Variants in SREBF2 observed in about 807,000 individuals in gnomAD.
SREBF2 encodes sterol regulatory element-binding protein 2.
SREBF2 carries 55 observed loss-of-function variants against 113.1 expected under a neutral mutation model. That is an observed-to-expected ratio of 0.49 (90% CI 0.39 to 0.61). The LOEUF is 0.61. Among genes scored for constraint, SREBF2 ranks in the 20% least tolerant of loss-of-function variants. SREBF2 has a pLI of 0.00. For synonymous variants in SREBF2, 593 were observed against 605.7 expected (o/e 0.98, Z 0.31); for missense variants, 1,349 against 1,487.4 (o/e 0.91, Z 1.53).
chr22:41,899,612 TCATTGAAGTAGCCC>T (rs2077447231), intron 15 of SREBF2: 5 of 982,126 alleles, frequency 5.1e-6, no homozygotes, highest in South Asian at 4.6e-5. Flanking sequence ...CACCCTAATT[TCATTGAAGTAGCCC>T]CATTTGTAAG....
chr22:41,843,947 C>T (rs2076852159), intron 1 of SREBF2, among the ~76,000 whole-genome samples: 1 of 150,516 alleles, frequency 6.6e-6, no homozygotes, highest in Non-Finnish European at 1.5e-5. Context: ...GCCTAAGAGG[C>T]TGAAGATACA....
chr22:41,835,226 A>G, intron 1 of SREBF2, among the ~76,000 whole-genome samples: 1 of 11,778 alleles, frequency 8.5e-5, no homozygotes, highest in East Asian at 7.9e-4. Context: ...CAGTGGCACA[A>G]TCATAGCACA....
intron 4 of SREBF2, among the ~76,000 whole-genome samples, chr22:41,871,964 C>A (rs1448824563): frequency 6.7e-6 from 1 of 149,028 alleles, no homozygotes; most frequent in Non-Finnish European, 1.5e-5. Context: ...AATAGTGTGT[C>A]AAGCCACCGG....
intron 2 of SREBF2, among the ~76,000 whole-genome samples, chr22:41,868,375 C>A (rs1175811779): frequency 2.0e-5 from 3 of 152,136 alleles, no homozygotes; most frequent in Admixed American, 1.3e-4. Flanking sequence ...CCCTTTCCCC[C>A]ACCCTGGCAC....
chr22:41,904,642 C>G (rs755916707), intron 17 of SREBF2: 4 of 702,298 alleles, frequency 5.7e-6, no homozygotes, highest in East Asian at 2.7e-5. Context: ...CCTTTTGCCT[C>G]TCTCTCCTCT....
chr22:41,857,815 G>A (rs530447832), intron 1 of SREBF2, among the ~76,000 whole-genome samples: 20 of 152,196 alleles, frequency 1.3e-4, no homozygotes, highest in Admixed American at 5.9e-4. Flanking sequence ...TTTAGATAGC[G>A]GTTTGCCTGT....
rs1449690262 is a variant in SREBF2, at chr22:41,898,661, T to C, written c.2618T>C (p.Ile873Thr). The change falls in exon 15 of 19, where the codon ATC becomes ACC. Residue 873 changes from isoleucine (I) to threonine (T), a missense_variant. Ile to Thr is a moderately conservative substitution (Grantham distance 89). Coordinates refer to ENST00000361204, the MANE Select transcript of SREBF2 (RefSeq NM_004599.4). ...VLKSALGPDI[I>T]CRWWTSAITV... ...TGTTCTCCTCTAGGTCCAGACATCA[T>C]CTGTCGGTGGTGGACGTCTGCAATC... The C allele has an allele frequency of 2.5e-6, 4 of 1,613,972 alleles. No homozygotes were observed. In the South Asian group the frequency reaches 3.3e-5, roughly 13 times the overall value.
At position 41,897,053 on chromosome 22, in the gene SREBF2, G is replaced by T; in HGVS notation, c.2497G>T (p.Glu833Ter). 6.2e-7 allele frequency: 1 copy of T among 1,609,040 alleles called. No individual in the cohort carries two copies. Among genetic ancestry groups the T allele is most frequent in the South Asian group, 1.1e-5 (1 of 90,496 alleles). Residue 833 changes from glutamate (E) to a stop codon, truncating the protein, a stop_gained and splice_region_variant, in exon 14 of 19, where the codon GAA becomes TAA. Coordinates refer to ENST00000361204, the MANE Select transcript of SREBF2 (RefSeq NM_004599.4). LOFTEE classifies it high-confidence loss of function. ...KAGDQEEESC[E>*]FSSALEYLKL... ...TGGGACCCTTTCTTTTCTTCCTAGT[G>T]AATTCTCCAGTGCTCTGGAGTACTT...
In SREBF2 at chr22:41,884,829, C is replaced by T. The variant is rs762381981; in HGVS notation, c.2039-13C>T. Reference sequence around the variant, plus strand: ...GCTCCATCAACAATAGTGTCTGTTTCTGCCCACCCTAGGGAAGCTTCCTGC... The same window carrying T: ...GCTCCATCAACAATAGTGTCTGTTTTTGCCCACCCTAGGGAAGCTTCCTGC... On this transcript the variant is annotated splice_polypyrimidine_tract_variant and intron_variant, in intron 10 of 18. Coordinates refer to ENST00000361204, the MANE Select transcript of SREBF2 (RefSeq NM_004599.4). 2 of 1,614,094 alleles carry T rather than the reference C, an allele frequency of 1.2e-6. No homozygotes were observed. Among genetic ancestry groups the T allele is most frequent in the Non-Finnish European group, 1.7e-6 (2 of 1,179,988 alleles).
intron 1 of SREBF2, among the ~76,000 whole-genome samples, chr22:41,852,488 C>G (rs2076940797): frequency 6.6e-6 from 1 of 152,156 alleles, no homozygotes; most frequent in East Asian, 1.9e-4. Flanking sequence ...CTCCTTAAAT[C>G]TGATCCCTTG....
chr22:41,899,011 C>T, intron 15 of SREBF2: 1 of 659,960 alleles, frequency 1.5e-6, no homozygotes, highest in Non-Finnish European at 2.6e-6. Flanking sequence ...GTCCCAGCAG[C>T]TGTCAGCACT....
chr22:41,864,323 ATTTTT>A (rs1300330185), intron 1 of SREBF2, among the ~76,000 whole-genome samples: 1 of 77,958 alleles, frequency 1.3e-5, no homozygotes, highest in Non-Finnish European at 2.4e-5. Flanking sequence ...ATATATATAT[ATTTTT>A]TTTTTTTTTT....
chr22:41,847,610 T>C (rs1326780201), intron 1 of SREBF2, among the ~76,000 whole-genome samples: 9 of 152,190 alleles, frequency 5.9e-5, no homozygotes, highest in African/African-American at 1.2e-4. Flanking sequence ...CATTATGTGG[T>C]AGCTAAGAGC....
chr22:41,883,594 G>A (rs759998683), intron 10 of SREBF2, among the ~76,000 whole-genome samples: 2 of 152,144 alleles, frequency 1.3e-5, no homozygotes, highest in Non-Finnish European at 2.9e-5. Flanking sequence ...ATACTCACTG[G>A]CATTCCCTGT....
chr22:41,837,577 T>TTAGGTG (rs1011996168), intron 1 of SREBF2, among the ~76,000 whole-genome samples: 1 of 91,224 alleles, frequency 1.1e-5, no homozygotes, highest in Non-Finnish European at 2.2e-5. Flanking sequence ...AAAAAAAAAA[T>TTAGGTG]GCTGGACACG....
chr22:41,881,239 G>A (rs2077242922), intron 10 of SREBF2, among the ~76,000 whole-genome samples: 1 of 152,220 alleles, frequency 6.6e-6, no homozygotes, highest in Non-Finnish European at 1.5e-5. Flanking sequence ...CCTATAAACA[G>A]TGGCACATTG....
chr22:41,897,141 C>T lies in SREBF2; in HGVS notation c.2585C>T (p.Ser862Phe), dbSNP rs1350028184. The part of the protein sequence containing the change: ...GVMSPPLSRS[S>F]VLKSALGPDI... ...ATGAGCCCCCCACTCTCCAGGAGCTCCGTGCTCAAGTCCGCCCTGGGTAAG... is the reference window on the plus strand; with the variant it reads ...ATGAGCCCCCCACTCTCCAGGAGCTTCGTGCTCAAGTCCGCCCTGGGTAAG... Residue 862 changes from serine (S) to phenylalanine (F), a missense_variant, in exon 14 of 19, where the codon TCC becomes TTC. Around this residue, in one of 2 missense-constraint regions of SREBF2, gnomAD observed 650 missense variants for 644.1 expected, o/e 1.01. Transcript: ENST00000361204. 5 of 1,611,688 alleles carry T rather than the reference C, an allele frequency of 3.1e-6. No homozygotes were observed. The highest frequency in any genetic ancestry group is 1.1e-5 in the South Asian group (1 of 90,798).
At chr22:41,900,018 A>G in intron 15 of SREBF2, 1 of 1,291,808 alleles carries the variant, frequency 7.7e-7, no homozygotes. Context: ...GCCACTTTAT[A>G]GGTAAGGAAA....
intron 1 of SREBF2, among the ~76,000 whole-genome samples, chr22:41,859,599 G>A (rs1051541410): frequency 3.1e-4 from 47 of 150,902 alleles, no homozygotes; most frequent in Non-Finnish European, 4.9e-4. Context: ...TAAAGCAAAA[G>A]TGTCAAAAAA....
Sources: gnomAD v4.1 joint callset for allele counts (sites outside exome capture counted in the v4.1 genomes callset) on GRCh38, gnomAD v4.1.1 for gene constraint, gnomAD v4.1.1 regional missense constraint, MANE v1.5 for transcripts, NCBI Gene and HGNC (gene_info 2026-07-23, HGNC 2026-07-21) for gene names.